The following PALS2 variants were observed in gnomAD, a reference collection of about 807,000 sequenced individuals.
PALS2 encodes protein PALS2.
In PALS2, 27 loss-of-function variants were observed where a neutral mutation model predicts 61.6. The observed-to-expected ratio is 0.44, with a 90% CI of 0.32 to 0.60. The LOEUF (loss-of-function observed/expected upper bound fraction) is 0.60. Ranked by LOEUF, PALS2 falls within the 20% of genes least tolerant of loss-of-function variation. The probability of loss-of-function intolerance (pLI) is 0.05; values close to 1 mark genes in which losing one functional copy is unlikely to be tolerated. For missense variants in PALS2, 554 were observed against 639.4 expected (o/e 0.87, Z 1.44); for synonymous variants, 236 against 218.6 (o/e 1.08, Z -0.70).
intron 11 of PALS2, among the ~76,000 whole-genome samples, chr7:24,681,077 T>A (rs1291007743): frequency 6.6e-6 from 1 of 152,216 alleles, no homozygotes. Flanking sequence ...TATTAAAATA[T>A]GCGTATTAAT....
At chr7:24,661,851 A>G (rs1396078872) in intron 5 of PALS2, among the ~76,000 whole-genome samples, 2 of 152,222 alleles carry the variant, frequency 1.3e-5, no homozygotes, top group African/African-American at 4.8e-5. Context: ...AGTTTCATCA[A>G]TATGGAGAGG....
intron 2 of PALS2, among the ~76,000 whole-genome samples, chr7:24,624,441 C>T (rs1430221632): frequency 6.6e-6 from 1 of 151,950 alleles, no homozygotes; most frequent in Non-Finnish European, 1.5e-5. Context: ...TTCATAGAGC[C>T]ATCTTGTTCC....
chr7:24,664,971 G>A (rs1474299879), intron 6 of PALS2, among the ~76,000 whole-genome samples: 1 of 151,930 alleles, frequency 6.6e-6, no homozygotes, highest in Non-Finnish European at 1.5e-5. Flanking sequence ...TATGCTAGTT[G>A]TAAGGATAGA....
chr7:24,597,970 CT>C (rs1562605613), intron 1 of PALS2, among the ~76,000 whole-genome samples: 1 of 151,912 alleles, frequency 6.6e-6, no homozygotes, highest in African/African-American at 2.4e-5. Flanking sequence ...TATTGCAATA[CT>C]TGGGGATAAG....
chr7:24,608,477 T>G (rs973301505), intron 1 of PALS2, among the ~76,000 whole-genome samples: 1 of 152,222 alleles, frequency 6.6e-6, no homozygotes, highest in African/African-American at 2.4e-5. Flanking sequence ...GTGTTGGATT[T>G]GCTTCTGGGT....
At chr7:24,619,730 AAAAAAG>A (rs1784423785) in intron 1 of PALS2, among the ~76,000 whole-genome samples, 1 of 151,552 alleles carries the variant, frequency 6.6e-6, no homozygotes, top group Non-Finnish European at 1.5e-5. Flanking sequence ...AAAAAAAAAA[AAAAAAG>A]AAAGAAAAAA....
rs979454510 is a variant in PALS2, at chr7:24,618,165, G to A, written c.-2-5501G>A. Among the ~76,000 whole-genome samples, 1 of 152,196 alleles carries A rather than the reference G, an allele frequency of 6.6e-6. No individual in the cohort carries two copies. Among genetic ancestry groups the A allele is most frequent in the Admixed American group, 6.5e-5 (1 of 15,280 alleles). ...GTGTGCAACTACCCGGCCACCATGG[G>A]GACATGTCAGCTGCTCAGTTGCTCA... On this transcript the variant is annotated intron_variant, in intron 1 of 11. Transcript: ENST00000222644. The surrounding 1 kb of genome is among the most constrained non-coding windows in gnomAD (Gnocchi z 5.1).
At chr7:24,613,232 CTTTTTT>C (rs962137742) in intron 1 of PALS2, among the ~76,000 whole-genome samples, 1 of 151,492 alleles carries the variant, frequency 6.6e-6, no homozygotes, top group African/African-American at 2.4e-5. Flanking sequence ...GATCTCATGC[CTTTTTT>C]TAAAGAGAGG....
chr7:24,595,536 T>C (rs952989037), intron 1 of PALS2, among the ~76,000 whole-genome samples: 2 of 131,020 alleles, frequency 1.5e-5, no homozygotes, highest in Admixed American at 8.1e-5. Flanking sequence ...ATATATAATA[T>C]ATAATATATA....
At chr7:24,623,148 A>ATC (rs1335268987) in intron 1 of PALS2, among the ~76,000 whole-genome samples, 2 of 148,286 alleles carry the variant, frequency 1.3e-5, no homozygotes, top group Non-Finnish European at 3.0e-5. Flanking sequence ...TGGGTTTAGT[A>ATC]TCAGGGTAAT....
chr7:24,583,002 C>T (rs1390866452), intron 1 of PALS2, among the ~76,000 whole-genome samples: 2 of 138,334 alleles, frequency 1.4e-5, no homozygotes, highest in East Asian at 2.3e-4. Context: ...TCAAGTGATT[C>T]TCCTGCCTCA....
intron 1 of PALS2, among the ~76,000 whole-genome samples, chr7:24,582,517 G>A (rs896027227): frequency 9.9e-5 from 15 of 151,818 alleles, no homozygotes; most frequent in African/African-American, 4.8e-5. Flanking sequence ...TAGTGCTTGC[G>A]TTACTTTTCT....
intron 8 of PALS2, among the ~76,000 whole-genome samples, chr7:24,666,637 TA>T: frequency 6.6e-6 from 1 of 152,306 alleles, no homozygotes; most frequent in East Asian, 1.9e-4. Flanking sequence ...ATATGTTTAA[TA>T]GCTTGATCGA....
At chr7:24,655,294 T>C (rs80228038) in intron 5 of PALS2, among the ~76,000 whole-genome samples, 5,926 of 152,280 alleles carry the variant, frequency 0.039, 154 homozygotes, top group Non-Finnish European at 0.058. Context: ...ATTACATGCA[T>C]ATAGCATGAT....
At chr7:24,680,129 A>G (rs1787841943) in intron 10 of PALS2, among the ~76,000 whole-genome samples, 1 of 152,242 alleles carries the variant, frequency 6.6e-6, no homozygotes, top group East Asian at 1.9e-4. Context: ...AACATAAAAA[A>G]GAGTTTACAT....
chr7:24,607,511 A>G (rs1265139719), intron 1 of PALS2, among the ~76,000 whole-genome samples: 1 of 151,542 alleles, frequency 6.6e-6, no homozygotes, highest in African/African-American at 2.4e-5. Flanking sequence ...ATGTGTATAT[A>G]TATGTGTATA....
chr7:24,654,445 G>C (rs1786313569), intron 5 of PALS2, among the ~76,000 whole-genome samples: 1 of 152,040 alleles, frequency 6.6e-6, no homozygotes, highest in African/African-American at 2.4e-5. Flanking sequence ...ATAAGATGAA[G>C]ACACAAAACT....
Position 24,687,382 on chromosome 7 carries a change from T to C in PALS2, c.1447-56T>C. On this transcript the variant is annotated intron_variant, in intron 11 of 11. Coordinates refer to ENST00000222644, the MANE Select transcript of PALS2 (RefSeq NM_001303037.2). This position sits in a 1 kb window ranked among gnomAD's most constrained non-coding sequence, Gnocchi z 4.5. ...ATTATATTCACTTCTAGTTGGAGTT[T>C]GAGCAAGTAAATATGCATTGTAATA... 1 of 1,352,112 alleles carries C rather than the reference T, an allele frequency of 7.4e-7. No homozygotes were observed. Among genetic ancestry groups the C allele is most frequent in the Non-Finnish European group, 1.0e-6 (1 of 967,734 alleles). 83.8% of individuals were successfully genotyped at this position (1,352,112 alleles called of 1,614,324 possible).
chr7:24,626,629 A>G (rs1784755119), intron 2 of PALS2, among the ~76,000 whole-genome samples: 1 of 152,210 alleles, frequency 6.6e-6, no homozygotes, highest in African/African-American at 2.4e-5. Context: ...TATTCAGGAG[A>G]CACATCTCAT....
Sources: gnomAD v4.1 joint callset for allele counts (sites outside exome capture counted in the v4.1 genomes callset) on GRCh38, gnomAD v4.1.1 for gene constraint, Gnocchi (gnomAD v3.1) non-coding constraint, MANE v1.5 for transcripts, NCBI Gene and HGNC (gene_info 2026-07-23, HGNC 2026-07-21) for gene names.